The following PTPRN2 variants were observed in gnomAD, a reference collection of about 807,000 sequenced individuals.
PTPRN2 encodes the protein protein tyrosine phosphatase receptor type N2.
In PTPRN2, 74 loss-of-function variants were observed where a neutral mutation model predicts 118.8. The observed-to-expected ratio is 0.62, with a 90% CI of 0.52 to 0.76. The LOEUF (loss-of-function observed/expected upper bound fraction) is 0.76. Among genes scored for constraint, PTPRN2 ranks in the 30% least tolerant of loss-of-function variants. The probability of loss-of-function intolerance (pLI) is 0.00; values close to 1 mark genes in which losing one functional copy is unlikely to be tolerated. For synonymous variants in PTPRN2, 641 were observed against 608.0 expected, an observed-to-expected ratio of 1.05 and a Z score of -0.80; for missense variants, 1,481 against 1,394.4, an observed-to-expected ratio of 1.06 and a Z score of -0.99.
intron 1 of PTPRN2, among the ~76,000 whole-genome samples, chr7:158,575,225 C>T (rs1828259416): frequency 6.6e-6 from 1 of 152,134 alleles, no homozygotes. Flanking sequence ...CAATCTGGGA[C>T]ATTCTTTTTT....
Position 158,475,409 on chromosome 7 carries a change from G to T in PTPRN2, c.163+14326C>A, listed in dbSNP as rs118128303. ...TCAGGCACCCCCGGCCACTCTCCCAGCGAGACCATGAAGATGAGGATGCTG... is the reference window on the plus strand; with the variant it reads ...TCAGGCACCCCCGGCCACTCTCCCATCGAGACCATGAAGATGAGGATGCTG... On this transcript the variant is annotated intron_variant, in intron 2 of 22. Transcript: ENST00000389418. Among the ~76,000 whole-genome samples the T allele has an allele frequency of 5.7e-3, 868 of 152,284 alleles. 3 individuals carry two copies. The highest frequency in any genetic ancestry group is 8.5e-3 in the Non-Finnish European group (580 of 68,020).
intron 6 of PTPRN2, among the ~76,000 whole-genome samples, chr7:158,146,350 C>A (rs1205135943): frequency 6.6e-6 from 1 of 152,216 alleles, no homozygotes; most frequent in East Asian, 1.9e-4. Flanking sequence ...CATCCCTCCA[C>A]CCACTAACCT....
At chr7:157,899,309 G>A (rs1416217669) in intron 11 of PTPRN2, among the ~76,000 whole-genome samples, 1 of 152,140 alleles carries the variant, frequency 6.6e-6, no homozygotes, top group Admixed American at 6.5e-5. Context: ...GACTTTCAGA[G>A]AATGAATTGC....
chr7:157,855,479 G>C (rs2151216198), intron 12 of PTPRN2, among the ~76,000 whole-genome samples: 1 of 152,358 alleles, frequency 6.6e-6, no homozygotes, highest in East Asian at 1.9e-4. Context: ...TTCTTGGGGA[G>C]CTCAAGGCCA....
intron 8 of PTPRN2, among the ~76,000 whole-genome samples, chr7:158,135,296 T>A (rs1291747133): frequency 1.3e-5 from 2 of 152,218 alleles, no homozygotes; most frequent in Non-Finnish European, 2.9e-5. Context: ...TTGTATTTTT[T>A]AAAATTTAAA....
chr7:157,561,883 A>G (rs561160885), intron 21 of PTPRN2, among the ~76,000 whole-genome samples: 2 of 152,360 alleles, frequency 1.3e-5, no homozygotes, highest in South Asian at 4.1e-4. Flanking sequence ...GGCAGGCAGC[A>G]GGTGCCAAAC....
chr7:158,264,355 G>A (rs1374300294), intron 3 of PTPRN2, among the ~76,000 whole-genome samples: 1 of 152,212 alleles, frequency 6.6e-6, no homozygotes, highest in Non-Finnish European at 1.5e-5. Flanking sequence ...GCACCGTGGA[G>A]TGAAGGTAGC....
In PTPRN2 at chr7:157,977,259, T is replaced by C. The variant is rs1367444003; in HGVS notation, c.1724-78522A>G. Among the ~76,000 whole-genome samples, 1 of 151,940 alleles carries C rather than the reference T, an allele frequency of 6.6e-6. No individual in the cohort carries two copies. The highest frequency in any genetic ancestry group is 1.5e-5 in the Non-Finnish European group (1 of 67,942). On this transcript the variant is annotated intron_variant, in intron 11 of 22. Transcript: ENST00000389418. The surrounding 1 kb of genome is among the most constrained non-coding windows in gnomAD (Gnocchi z 4.6). ...GTAGGGTGGCTGTGCCCCATGAAGCTTGCATGGAACTCACCATCTGTGGTG... is the reference window on the plus strand; with the variant it reads ...GTAGGGTGGCTGTGCCCCATGAAGCCTGCATGGAACTCACCATCTGTGGTG...
intron 2 of PTPRN2, among the ~76,000 whole-genome samples, chr7:158,324,134 C>T (rs7799630): frequency 1.1e-3 from 172 of 152,280 alleles, no homozygotes; most frequent in African/African-American, 4.0e-3. Flanking sequence ...CAAACTCACA[C>T]GCCCACACGC....
chr7:158,138,563 A>C (rs755715821), intron 6 of PTPRN2, 48 bp from the exon 7 acceptor site: 3 of 1,562,956 alleles, frequency 1.9e-6, no homozygotes, highest in Non-Finnish European at 2.6e-6. Flanking sequence ...GGACGAATGC[A>C]AAGGTGAGGG....
intron 3 of PTPRN2, among the ~76,000 whole-genome samples, chr7:158,255,050 G>T (rs1054598803): frequency 6.6e-6 from 1 of 152,194 alleles, no homozygotes; most frequent in Non-Finnish European, 1.5e-5. Flanking sequence ...CCCACGTCCA[G>T]GACCTGTTCT....
At chr7:158,539,666 C>A in intron 1 of PTPRN2, 1 of 238,476 alleles carries the variant, frequency 4.2e-6, no homozygotes, top group South Asian at 4.3e-5. Flanking sequence ...GGGGGTCTAG[C>A]GCCGAGTCCC....
In PTPRN2 at chr7:158,587,777, C is replaced by G; in HGVS notation, c.-108G>C. 1 of 1,004,828 alleles carries G rather than the reference C, an allele frequency of 1.0e-6. No individual in the cohort carries two copies. The highest frequency in any genetic ancestry group is 1.2e-6 in the Non-Finnish European group (1 of 840,392). 62.2% of individuals were successfully genotyped at this position (1,004,828 alleles called of 1,614,324 possible). On this transcript the variant is annotated 5_prime_UTR_variant, in exon 1 of 23. Coordinates refer to ENST00000389418, the MANE Select transcript of PTPRN2 (RefSeq NM_002847.5). ...CGCGCCGCCGGCTCCTCCCGCCGCGCCTCTCGCGCTCTTGCGGCGACGCCG... is the reference window on the plus strand; with the variant it reads ...CGCGCCGCCGGCTCCTCCCGCCGCGGCTCTCGCGCTCTTGCGGCGACGCCG...
At chr7:158,220,083 AG>A (rs1199548773) in intron 3 of PTPRN2, among the ~76,000 whole-genome samples, 2 of 152,154 alleles carry the variant, frequency 1.3e-5, no homozygotes, top group Non-Finnish European at 2.9e-5. Context: ...AGATACAGGA[AG>A]GGCTTTCAAT....
chr7:158,204,921 T>C (rs1826995874), intron 4 of PTPRN2, among the ~76,000 whole-genome samples: 1 of 152,134 alleles, frequency 6.6e-6, no homozygotes, highest in South Asian at 2.1e-4. Context: ...AGATGCAGGA[T>C]TTTTCTAAGA....
At chr7:157,829,799 T>C (rs377754525) in intron 12 of PTPRN2, among the ~76,000 whole-genome samples, 304 of 152,330 alleles carry the variant, frequency 2.0e-3, no homozygotes, top group South Asian at 8.1e-3. Flanking sequence ...TCAGGCATGA[T>C]GGTACAGATG....
chr7:158,576,491 G>A (rs1398667577), intron 1 of PTPRN2, among the ~76,000 whole-genome samples: 1 of 152,280 alleles, frequency 6.6e-6, no homozygotes, highest in African/African-American at 2.4e-5. Context: ...GGACATGGGG[G>A]CTGCTAAGGA....
chr7:158,356,473 T>A (rs897524393), intron 2 of PTPRN2, among the ~76,000 whole-genome samples: 8 of 152,240 alleles, frequency 5.3e-5, no homozygotes, highest in Non-Finnish European at 1.0e-4. Context: ...TTTTTGTTGC[T>A]TCCTTGGGTT....
chr7:158,556,607 T>C (rs994810943), intron 1 of PTPRN2, among the ~76,000 whole-genome samples: 1 of 151,104 alleles, frequency 6.6e-6, no homozygotes, highest in Non-Finnish European at 1.5e-5. Flanking sequence ...AGATGTTTGA[T>C]AGGTGAATGG....
Sources: allele counts gnomAD v4.1 joint callset (sites outside exome capture counted in the v4.1 genomes callset), GRCh38; gene constraint gnomAD v4.1.1; non-coding constraint Gnocchi (gnomAD v3.1); transcripts MANE v1.5; gene names NCBI Gene and HGNC (gene_info 2026-07-23, HGNC 2026-07-21).